CFAP206: variants seen among roughly 807,000 people sequenced by gnomAD.
CFAP206 encodes cilia and flagella associated protein 206.
CFAP206 carries 53 observed loss-of-function variants against 65.4 expected under a neutral mutation model. The ratio of observed to expected loss-of-function variants is 0.81; its 90% CI spans 0.65 to 1.02. The LOEUF (loss-of-function observed/expected upper bound fraction) is 1.02, where lower values mean the gene tolerates loss of function less well. Ranked by LOEUF, CFAP206 falls within the 50% of genes least tolerant of loss-of-function variation. The probability of loss-of-function intolerance (pLI) is 0.00; values close to 1 mark genes in which losing one functional copy is unlikely to be tolerated. For missense variants in CFAP206, 663 were observed against 753.2 expected (o/e 0.88, Z 1.40); for synonymous variants, 250 against 254.4 (o/e 0.98, Z 0.17).
At position 87,460,379 on chromosome 6, in the gene CFAP206, A is replaced by G. The variant is rs757504911; in HGVS notation, c.1495-643A>G. ...GTCTTAAAGAGGTTTTGATAGTTCA[A>G]ATAGATGTGATTTTTACCTAATAAA... On this transcript the variant is annotated intron_variant, in intron 11 of 12. Coordinates refer to ENST00000369562, the MANE Select transcript of CFAP206 (RefSeq NM_001031743.3). 1.8e-4 allele frequency among the ~76,000 whole-genome samples: 28 copies of G among 152,354 alleles called. 1 individual carries two copies. The highest frequency in any genetic ancestry group is 1.2e-3 in the South Asian group (6 of 4,826).
At chr6:87,443,246 T>A (rs1346452384) in intron 11 of CFAP206, among the ~76,000 whole-genome samples, 1 of 152,178 alleles carries the variant, frequency 6.6e-6, no homozygotes, top group African/African-American at 2.4e-5. Context: ...TTTAAACTTA[T>A]GAAGATTTCA....
chr6:87,408,986 G>C (rs989733577), intron 1 of CFAP206, among the ~76,000 whole-genome samples: 2 of 152,002 alleles, frequency 1.3e-5, no homozygotes, highest in Non-Finnish European at 2.9e-5. Context: ...CAGAAAACTC[G>C]ATCAAAACCT....
At chr6:87,461,266 GT>G in intron 12 of CFAP206, 101 bp downstream of exon 12, 1 of 723,994 alleles carries the variant, frequency 1.4e-6, no homozygotes, top group Non-Finnish European at 2.0e-6. Flanking sequence ...AAAATAATGA[GT>G]TTTATACAGA....
chr6:87,412,636 T>C (rs1225086380), intron 3 of CFAP206, among the ~76,000 whole-genome samples: 1 of 152,136 alleles, frequency 6.6e-6, no homozygotes, highest in Non-Finnish European at 1.5e-5. Flanking sequence ...CAGCAGCTTT[T>C]TAATTTTAAT....
At position 87,413,863 on chromosome 6, in the gene CFAP206, G is replaced by A. The variant is rs140621996; in HGVS notation, c.246G>A (p.Lys82=). 29 of 1,557,372 alleles carry A rather than the reference G, an allele frequency of 1.9e-5. No individual in the cohort carries two copies. The African/African-American group carries it at 3.2e-4, about 17-fold the overall frequency. ...DTKNPSLDTI[K]MQVYFDMNYT... Reference sequence around the variant, plus strand: ...AAAATCCATCCCTGGACACTATTAAGATGCAAGTCTACTTCGATATGAATT... The same window carrying A: ...AAAATCCATCCCTGGACACTATTAAAATGCAAGTCTACTTCGATATGAATT... The change falls in exon 4 of 13, where the codon AAG becomes AAA. Residue 82 remains lysine (K), a synonymous_variant. Transcript: ENST00000369562.
chr6:87,449,878 C>G (rs1485261737), intron 11 of CFAP206, among the ~76,000 whole-genome samples: 2 of 152,152 alleles, frequency 1.3e-5, no homozygotes, highest in Non-Finnish European at 2.9e-5. Flanking sequence ...CTTTTGAGGT[C>G]TTATCCAAAA....
In CFAP206 at chr6:87,416,779, C is replaced by A; in HGVS notation, c.583C>A (p.Arg195Ser). The change falls in exon 6 of 13, where the codon CGT (arginine) becomes AGT (serine). Residue 195 changes from arginine to serine, a missense_variant. Coordinates refer to ENST00000369562, the MANE Select transcript of CFAP206 (RefSeq NM_001031743.3). ...ACTCACCATGATTGTTACTGGAATT[C>A]GTTTATTTAACAGAGACTGTGGAAA... ...KELTMIVTGIRLFNRDCGKGG... is the reference protein window; with the variant it reads ...KELTMIVTGISLFNRDCGKGG... The A allele has an allele frequency of 1.2e-6, 2 of 1,613,436 alleles. No homozygotes were observed. Among genetic ancestry groups the A allele is most frequent in the South Asian group, 2.2e-5 (2 of 91,042 alleles).
At chr6:87,457,472 A>G (rs1768667556) in intron 11 of CFAP206, among the ~76,000 whole-genome samples, 1 of 152,228 alleles carries the variant, frequency 6.6e-6, no homozygotes, top group Non-Finnish European at 1.5e-5. Context: ...AACAAGACAC[A>G]TAGACCAATG....
At chr6:87,447,951 T>TTATTATTATTATTATTATTA (rs71554721) in intron 11 of CFAP206, among the ~76,000 whole-genome samples, 1 of 146,866 alleles carries the variant, frequency 6.8e-6, no homozygotes, top group South Asian at 2.2e-4. Flanking sequence ...CTAGATTTTC[T>TTATTATTATTATTATTATTA]TTATTATTAT....
intron 11 of CFAP206, chr6:87,441,626 C>T (rs1768361543): frequency 5.8e-6 from 1 of 171,430 alleles, no homozygotes; most frequent in African/African-American, 2.4e-5. Context: ...ATCAGAATTT[C>T]CAGGGTTTAA....
intron 11 of CFAP206, among the ~76,000 whole-genome samples, chr6:87,457,265 G>T (rs539196215): frequency 6.6e-6 from 1 of 152,036 alleles, no homozygotes; most frequent in South Asian, 2.1e-4. Flanking sequence ...CAGATTCAAT[G>T]CAATCCTTAT....
chr6:87,426,735 T>A (rs1226078284), intron 8 of CFAP206, 90 bp downstream of exon 8: 7 of 973,242 alleles, frequency 7.2e-6, no homozygotes, highest in African/African-American at 3.4e-5. Context: ...TTATATTTAA[T>A]TTCTAAAAAT....
chr6:87,415,442 T>C (rs1230480942), intron 4 of CFAP206: 1 of 442,646 alleles, frequency 2.3e-6, no homozygotes, highest in African/African-American at 2.0e-5. Context: ...TTAGTTTGGC[T>C]GTTTAAAGTC....
chr6:87,463,046 A>C (rs1308627493), intron 12 of CFAP206, among the ~76,000 whole-genome samples: 1 of 152,170 alleles, frequency 6.6e-6, no homozygotes, highest in East Asian at 1.9e-4. Context: ...GGTAGGATGG[A>C]GGTTTGAATC....
intron 11 of CFAP206, among the ~76,000 whole-genome samples, chr6:87,440,819 G>A (rs1046555820): frequency 1.3e-5 from 2 of 152,130 alleles, no homozygotes; most frequent in African/African-American, 4.8e-5. Flanking sequence ...ATTTTGGGTG[G>A]TACTTGGAGA....
At chr6:87,452,583 C>T (rs746984167) in intron 11 of CFAP206, among the ~76,000 whole-genome samples, 1 of 151,812 alleles carries the variant, frequency 6.6e-6, no homozygotes, top group Non-Finnish European at 1.5e-5. Flanking sequence ...TCAATGAAAT[C>T]CAAGATAATG....
chr6:87,446,279 T>C (rs1405540285), intron 11 of CFAP206, among the ~76,000 whole-genome samples: 1 of 152,248 alleles, frequency 6.6e-6, no homozygotes, highest in Non-Finnish European at 1.5e-5. Context: ...TATTTGCCCA[T>C]GTGTATATCC....
chr6:87,424,172 C>T (rs1767996968), intron 7 of CFAP206, among the ~76,000 whole-genome samples: 1 of 152,188 alleles, frequency 6.6e-6, no homozygotes, highest in Non-Finnish European at 1.5e-5. Context: ...TATACTTAGA[C>T]AATTTACTTA....
At position 87,415,856 on chromosome 6, in the gene CFAP206, A is replaced by C; in HGVS notation, c.454A>C (p.Thr152Pro). Residue 152 changes from threonine to proline, a missense_variant, in exon 5 of 13, where the codon ACT becomes CCT. Transcript: ENST00000369562. ...CCTTGGATCCCCTACAGACATCAAG[A>C]CTGTCAGAGAGGTAACAGGTAAAAA... Reference protein sequence around the residue: ...SGLGSPTDIKTVREVTAALQS... With the variant: ...SGLGSPTDIKPVREVTAALQS... 1 of 1,582,964 alleles carries C rather than the reference A, an allele frequency of 6.3e-7. No individual in the cohort carries two copies. The highest frequency in any genetic ancestry group is 1.2e-5 in the South Asian group (1 of 84,232).
Sources: gnomAD v4.1 joint callset for allele counts (sites outside exome capture counted in the v4.1 genomes callset) on GRCh38, gnomAD v4.1.1 for gene constraint, MANE v1.5 for transcripts, NCBI Gene and HGNC (gene_info 2026-07-23, HGNC 2026-07-21) for gene names.